The following USP44 variants were observed in gnomAD, a reference collection of about 807,000 sequenced individuals.
USP44 encodes the protein ubiquitin specific peptidase 44.
Under a neutral mutation model 69.0 loss-of-function variants are expected in USP44, and 61 were observed. The ratio of observed to expected loss-of-function variants is 0.88; its 90% CI spans 0.72 to 1.09. The LOEUF (loss-of-function observed/expected upper bound fraction) is 1.09, where lower values mean the gene tolerates loss of function less well. USP44 is among the 50% of genes least tolerant of loss of function. The probability of loss-of-function intolerance (pLI) is 0.00; values close to 1 mark genes in which losing one functional copy is unlikely to be tolerated. For missense variants in USP44, 753 were observed against 849.9 expected (o/e 0.89, Z 1.42); for synonymous variants, 297 against 295.4 (o/e 1.01, Z -0.06).
At position 95,534,172 on chromosome 12, in the gene USP44, A is replaced by G; in HGVS notation, c.85T>C (p.Cys29Arg). The change falls in exon 2 of 6, where the codon TGT (cysteine) becomes CGT (arginine). Residue 29 changes from cysteine to arginine, a missense_variant. Transcript: ENST00000258499. ...HSSLNPQKWH[C>R]VDCNTTESIW... ...GACTCGGTCGTGTTGCAGTCCACAC[A>G]GTGCCATTTCTGAGGGTTGAGGCTG... 1 of 1,614,140 alleles carries G rather than the reference A, an allele frequency of 6.2e-7. No individual in the cohort carries two copies.
At chr12:95,530,499 CAACT>C (rs1052245269) in intron 2 of USP44, among the ~76,000 whole-genome samples, 7 of 151,896 alleles carry the variant, frequency 4.6e-5, no homozygotes, top group Admixed American at 6.6e-5. Flanking sequence ...TTACAGCAAC[CAACT>C]GTCTTAAATC....
chr12:95,545,800 T>A (rs1397383132), intron 1 of USP44, among the ~76,000 whole-genome samples: 2 of 152,190 alleles, frequency 1.3e-5, no homozygotes, highest in Non-Finnish European at 2.9e-5. Context: ...ATTATGTCCA[T>A]TATGTGCTTT....
chr12:95,534,072 T>C lies in USP44; in HGVS notation c.185A>G (p.Gln62Arg), dbSNP rs546159029. The C allele has an allele frequency of 1.2e-6, 2 of 1,614,210 alleles. No homozygotes were observed. Among genetic ancestry groups the C allele is most frequent in the South Asian group, 2.2e-5 (2 of 91,078 alleles). Residue 62 changes from glutamine (Q) to arginine (R), a missense_variant, in exon 2 of 6, where the codon CAA (glutamine) becomes CGA (arginine). Gln to Arg is a conservative substitution (Grantham distance 43, BLOSUM62 1). Coordinates refer to ENST00000258499, the MANE Select transcript of USP44 (RefSeq NM_032147.5). ...YIEEHALKHF[Q>R]ESSHPVALEV... ...CAATGCAACAGGATGACTGCTTTCTTGAAAGTGCTTGAGTGCATGCTCTTC... is the reference window on the plus strand; with the variant it reads ...CAATGCAACAGGATGACTGCTTTCTCGAAAGTGCTTGAGTGCATGCTCTTC...
intron 3 of USP44, among the ~76,000 whole-genome samples, chr12:95,525,517 A>T (rs55804847): frequency 0.032 from 4,880 of 152,344 alleles, 256 homozygotes; most frequent in African/African-American, 0.11. Context: ...AAAAAAAGTG[A>T]GTGGTCAGTT....
intron 4 of USP44, among the ~76,000 whole-genome samples, chr12:95,523,838 TCTG>T (rs2076746294): frequency 6.6e-6 from 1 of 152,040 alleles, no homozygotes; most frequent in African/African-American, 2.4e-5. Flanking sequence ...TTAGAAATAT[TCTG>T]CTGGGCACGG....
intron 1 of USP44, among the ~76,000 whole-genome samples, chr12:95,537,659 G>A (rs773923287): frequency 2.0e-5 from 3 of 152,100 alleles, no homozygotes; most frequent in Non-Finnish European, 4.4e-5. Flanking sequence ...GGTGAAGAAG[G>A]AAATGCCAGC....
At chr12:95,536,039 CTTTTTTTTTTT>C (rs397821709) in intron 1 of USP44, among the ~76,000 whole-genome samples, 2 of 97,532 alleles carry the variant, frequency 2.1e-5, no homozygotes, top group South Asian at 3.2e-4. Flanking sequence ...CTTTTTTTTC[CTTTTTTTTTTT>C]TTTTTTTTTT....
At chr12:95,543,990 G>GA (rs1346833098) in intron 1 of USP44, among the ~76,000 whole-genome samples, 1 of 96,750 alleles carries the variant, frequency 1.0e-5, no homozygotes, top group Non-Finnish European at 2.0e-5. Flanking sequence ...AAAAAAAAAA[G>GA]AAAAAAACCC....
chr12:95,531,170 A>G (rs143726418), intron 2 of USP44, among the ~76,000 whole-genome samples: 5,650 of 152,202 alleles, frequency 0.037, 135 homozygotes, highest in South Asian at 0.09. Flanking sequence ...TCTCAAAAAA[A>G]CAAAAACAAA....
At chr12:95,542,769 C>CAA (rs201513285) in intron 1 of USP44, among the ~76,000 whole-genome samples, 2 of 141,130 alleles carry the variant, frequency 1.4e-5, no homozygotes, top group African/African-American at 2.6e-5. Flanking sequence ...AACCAAAACA[C>CAA]AAAAAAAAAC....
chr12:95,522,466 T>C (rs915306760), intron 4 of USP44, among the ~76,000 whole-genome samples: 19 of 152,104 alleles, frequency 1.2e-4, no homozygotes, highest in Admixed American at 6.6e-5. Context: ...CCTAAAATTT[T>C]TGGAATCTCT....
intron 1 of USP44, among the ~76,000 whole-genome samples, chr12:95,550,183 G>GAA (rs570350053): frequency 7.8e-4 from 73 of 93,224 alleles, no homozygotes; most frequent in East Asian, 2.8e-3. Flanking sequence ...CTCCGTCTCA[G>GAA]AAAAAAAAAA....
chr12:95,527,613 T>C (rs976355567), intron 3 of USP44, among the ~76,000 whole-genome samples: 1 of 151,252 alleles, frequency 6.6e-6, no homozygotes, highest in African/African-American at 2.4e-5. Context: ...GCCTCCCAAG[T>C]AGCTGGGATT....
chr12:95,544,597 T>G (rs1411137921), intron 1 of USP44, among the ~76,000 whole-genome samples: 1 of 152,102 alleles, frequency 6.6e-6, no homozygotes, highest in African/African-American at 2.4e-5. Context: ...TTAATGAAAG[T>G]CAGGAAGTTA....
intron 3 of USP44, among the ~76,000 whole-genome samples, chr12:95,526,504 G>A (rs903454097): frequency 6.6e-6 from 1 of 152,062 alleles, no homozygotes; most frequent in African/African-American, 2.4e-5. Flanking sequence ...CCCAGGAGGC[G>A]GAGCTTGCAG....
At chr12:95,520,478 C>T (rs868120598) in intron 5 of USP44, among the ~76,000 whole-genome samples, 2 of 151,436 alleles carry the variant, frequency 1.3e-5, no homozygotes, top group Admixed American at 1.3e-4. Context: ...GGCGACAGAG[C>T]GAGACTCCAT....
rs2140185166 is a variant in USP44, at chr12:95,517,724, G to C, written c.*430C>G. The C allele has an allele frequency of 6.3e-6, 1 of 157,906 alleles. No homozygotes were observed. The highest frequency in any genetic ancestry group is 2.4e-5 in the African/African-American group (1 of 41,558). The allele number at this position is 157,906 out of a possible 1,614,324, so 9.8% of individuals were successfully genotyped here. A position where few individuals can be genotyped will look rare whatever the true frequency, so the allele number is the denominator to read the frequency against. On this transcript the variant is annotated 3_prime_UTR_variant, in exon 6 of 6. Transcript: ENST00000258499. ...TGACATGTCACTTCAATAACTCCAA[G>C]GGGCAAGGTAACTTCAATATACAAA...
intron 1 of USP44, among the ~76,000 whole-genome samples, chr12:95,547,271 T>C (rs1249369960): frequency 6.6e-6 from 1 of 152,206 alleles, no homozygotes; most frequent in East Asian, 1.9e-4. Context: ...ATCTCTACAT[T>C]TGAATTTGGA....
intron 3 of USP44, 142 bp downstream of exon 3, chr12:95,528,665 A>G: frequency 1.2e-6 from 1 of 800,492 alleles, no homozygotes; most frequent in Non-Finnish European, 1.9e-6. Flanking sequence ...TGCCAATTAT[A>G]AAGTGAAAAC....
Sources: allele counts gnomAD v4.1 joint callset (sites outside exome capture counted in the v4.1 genomes callset), GRCh38; gene constraint gnomAD v4.1.1; transcripts MANE v1.5; gene names NCBI Gene and HGNC (gene_info 2026-07-23, HGNC 2026-07-21).